Variants in SYNE2 observed in about 807,000 individuals in gnomAD.
SYNE2 encodes nesprin-2.
A neutral mutation model predicts 856.3 loss-of-function variants in SYNE2; 431 were observed. That is an observed-to-expected ratio of 0.50 (90% CI 0.47 to 0.55). The LOEUF is 0.55. Among genes scored for constraint, SYNE2 ranks in the 20% least tolerant of loss-of-function variants. The probability of loss-of-function intolerance (pLI) is 0.00; values close to 1 mark genes in which losing one functional copy is unlikely to be tolerated. For missense variants in SYNE2, 8,129 were observed against 8,023.2 expected (o/e 1.01, Z -0.50); for synonymous variants, 2,923 against 2,872.3 (o/e 1.02, Z -0.56).
chr14:64,163,299 T>C (rs1442487720), intron 88 of SYNE2, 103 bp from the exon 89 acceptor site: 1 of 1,356,844 alleles, frequency 7.4e-7, no homozygotes, highest in Non-Finnish European at 1.0e-6. Flanking sequence ...ATGCCTACGT[T>C]TTCAGGGCAA....
chr14:64,213,021 C>T lies in SYNE2; in HGVS notation c.19056+16C>T, dbSNP rs1248684047. The T allele has an allele frequency of 6.2e-7, 1 of 1,612,412 alleles. No homozygotes were observed. The highest frequency in any genetic ancestry group is 8.5e-7 in the Non-Finnish European group (1 of 1,179,870). On this transcript the variant is annotated intron_variant, in intron 105 of 115. Coordinates refer to ENST00000555002, the MANE Select transcript of SYNE2 (RefSeq NM_182914.3). ...CTGCACTCCGGTACGGGCACTGCTG[C>T]CTAGAAATGGCACCTGGGCTGCTCA...
chr14:63,820,670 G>T (rs1889179273), intron 1 of SYNE2, among the ~76,000 whole-genome samples: 1 of 152,014 alleles, frequency 6.6e-6, no homozygotes, highest in Admixed American at 6.6e-5. Context: ...ATCCAGAAAG[G>T]AAATTATTTC....
intron 65 of SYNE2, 71 bp downstream of exon 65, chr14:64,107,678 G>A: frequency 8.3e-7 from 1 of 1,200,948 alleles, no homozygotes; most frequent in Non-Finnish European, 1.2e-6. Flanking sequence ...CCAGTGTTCT[G>A]TGTCCTGCAA....
At chr14:63,900,356 A>G (rs2095320030) in intron 1 of SYNE2, among the ~76,000 whole-genome samples, 5 of 152,226 alleles carry the variant, frequency 3.3e-5, no homozygotes, top group Non-Finnish European at 7.3e-5. Flanking sequence ...AAACTTCCAC[A>G]TGGCTGGGGA....
chr14:63,846,112 C>T (rs1890221652), intron 1 of SYNE2, among the ~76,000 whole-genome samples: 1 of 145,930 alleles, frequency 6.9e-6, no homozygotes, highest in South Asian at 2.2e-4. Flanking sequence ...TGCAGTGGTG[C>T]TATTATGGCT....
chr14:64,182,922 G>A (rs934008397), intron 96 of SYNE2, among the ~76,000 whole-genome samples: 1 of 152,152 alleles, frequency 6.6e-6, no homozygotes, highest in Non-Finnish European at 1.5e-5. Context: ...ACGGGGTGAC[G>A]GCTGGGCAGA....
At chr14:64,105,749 CA>C (rs1266194948) in intron 64 of SYNE2, among the ~76,000 whole-genome samples, 1 of 151,208 alleles carries the variant, frequency 6.6e-6, no homozygotes, top group African/African-American at 2.5e-5. Context: ...CACACATTTT[CA>C]AACTGCCTTC....
At position 64,211,995 on chromosome 14, in the gene SYNE2, C is replaced by G. The variant is rs748103462; in HGVS notation, c.18758C>G (p.Thr6253Ser). ...FTNQREEFEG[T>S]RESILVWLTE... ...AACCAGAGGGAAGAATTTGAGGGCA[C>G]CAGGGAGAGCATTCTGGTGTGGCTC... is the stretch of plus-strand genomic sequence containing the variant. The change falls in exon 104 of 116, where the codon ACC becomes AGC. Residue 6253 changes from threonine to serine, a missense_variant. By Grantham distance (58) the Thr-to-Ser change is moderately conservative. Coordinates refer to ENST00000555002, the MANE Select transcript of SYNE2 (RefSeq NM_182914.3). The G allele has an allele frequency of 6.2e-7, 1 of 1,614,148 alleles. No individual in the cohort carries two copies. The highest frequency in any genetic ancestry group is 1.7e-5 in the Admixed American group (1 of 60,006).
intron 62 of SYNE2, 112 bp downstream of exon 62, chr14:64,098,258 A>T: frequency 8.4e-7 from 1 of 1,185,234 alleles, no homozygotes; most frequent in Non-Finnish European, 1.2e-6. Context: ...GTAGTAAAGG[A>T]ATTTTTTAAA....
chr14:63,766,475 A>T (rs997268798), intron 1 of SYNE2, among the ~76,000 whole-genome samples: 12 of 152,226 alleles, frequency 7.9e-5, no homozygotes, highest in African/African-American at 2.4e-4. Context: ...TACTAAAAAA[A>T]GCTCCTGGAA....
At chr14:64,206,270 C>G (rs1279487193) in intron 100 of SYNE2, among the ~76,000 whole-genome samples, 1 of 152,212 alleles carries the variant, frequency 6.6e-6, no homozygotes, top group East Asian at 1.9e-4. Context: ...TGGCAAAAGT[C>G]TTTCTCATTG....
At position 64,202,172 on chromosome 14, in the gene SYNE2, C is replaced by T. The variant is rs188418632; in HGVS notation, c.18039-629C>T. On this transcript the variant is annotated intron_variant, in intron 99 of 115. Coordinates refer to ENST00000555002, the MANE Select transcript of SYNE2 (RefSeq NM_182914.3). ...TGCGCTTGCGTGCAGATTTCCTTTGCCCCCTCCCTTTTAGACGGACAGAGA... is the reference window on the plus strand; with the variant it reads ...TGCGCTTGCGTGCAGATTTCCTTTGTCCCCTCCCTTTTAGACGGACAGAGA... 5.4e-5 allele frequency: 38 copies of T among 702,134 alleles called. No homozygotes were observed. The East Asian group carries it at 1.0e-3, about 19-fold the overall frequency. The allele number at this position is 702,134 out of a possible 1,614,324, so 43.5% of individuals were successfully genotyped here. A position where few individuals can be genotyped will look rare whatever the true frequency, so the allele number is the denominator to read the frequency against.
At position 64,219,320 on chromosome 14, in the gene SYNE2, G is replaced by GA. The variant is rs2140353997; in HGVS notation, c.19777dup (p.Thr6593AsnfsTer2). 6.2e-7 allele frequency: 1 copy of GA among 1,614,030 alleles called. No individual in the cohort carries two copies. On this transcript the variant is annotated frameshift_variant, in exon 110 of 116. Coordinates refer to ENST00000555002, the MANE Select transcript of SYNE2 (RefSeq NM_182914.3). LOFTEE classifies it high-confidence loss of function. ...ATATCAGCGCCATCACTACTTGGCTGAAAAAAACTGAAGCAGAGCTGGAAA... is the reference window on the plus strand; with the variant it reads ...ATATCAGCGCCATCACTACTTGGCTGAAAAAAAACTGAAGCAGAGCTGGAAA...
chr14:64,202,881 G>A lies in SYNE2; in HGVS notation c.18119G>A (p.Arg6040Gln), dbSNP rs771640360. The change falls in exon 100 of 116, where the codon CGA becomes CAA. Residue 6040 changes from arginine (R) to glutamine (Q), a missense_variant. Coordinates refer to ENST00000555002, the MANE Select transcript of SYNE2 (RefSeq NM_182914.3). ...AGCAACCTTCGCACCTGGTTGGCTC[G>A]AATTGAGTCTGAGCTTTCCAAGCCT... ...NMSNLRTWLA[R>Q]IESELSKPVV... 12 of 1,614,008 alleles carry A rather than the reference G, an allele frequency of 7.4e-6. No individual in the cohort carries two copies. The highest frequency in any genetic ancestry group is 8.5e-6 in the Non-Finnish European group (10 of 1,180,028).
chr14:64,109,949 T>C (rs1020588847), intron 65 of SYNE2, among the ~76,000 whole-genome samples: 1 of 152,228 alleles, frequency 6.6e-6, no homozygotes, highest in Non-Finnish European at 1.5e-5. Context: ...TTGACCCGTA[T>C]TACAACCAAG....
chr14:64,216,966 TC>T (rs140224056), intron 108 of SYNE2, among the ~76,000 whole-genome samples: 10,496 of 152,288 alleles, frequency 0.069, 426 homozygotes, highest in East Asian at 0.13. Context: ...CCTCAAGTGA[TC>T]CACCTGCCTC....
chr14:63,964,350 A>C (rs1286251793), intron 10 of SYNE2, among the ~76,000 whole-genome samples: 2 of 152,178 alleles, frequency 1.3e-5, no homozygotes, highest in Non-Finnish European at 2.9e-5. Context: ...GTTGGAACAG[A>C]GCCACACCCA....
intron 1 of SYNE2, among the ~76,000 whole-genome samples, chr14:63,840,134 G>T (rs1482256221): frequency 6.6e-6 from 1 of 152,166 alleles, no homozygotes; most frequent in Non-Finnish European, 1.5e-5. Flanking sequence ...GCCGGGCGTG[G>T]TGTCACATGA....
intron 1 of SYNE2, among the ~76,000 whole-genome samples, chr14:63,862,799 T>TG (rs1424514386): frequency 2.0e-5 from 3 of 150,938 alleles, no homozygotes; most frequent in African/African-American, 7.3e-5. Flanking sequence ...TTTTTTTTTG[T>TG]TTTGTTTTGT....
Sources: allele counts gnomAD v4.1 joint callset (sites outside exome capture counted in the v4.1 genomes callset), GRCh38; gene constraint gnomAD v4.1.1; transcripts MANE v1.5; gene names NCBI Gene and HGNC (gene_info 2026-07-23, HGNC 2026-07-21).